QTMAN: variants seen among roughly 807,000 people sequenced by gnomAD.
QTMAN encodes queuosine-tRNA mannosyltransferase, also known as tRNA-queuosine alpha-mannosyltransferase.
At chr2:144,110,646 T>A in the QTMAN span, among the ~76,000 whole-genome samples, 246 of 151,104 alleles carry the variant, frequency 1.6e-3, no homozygotes, top group African/African-American at 5.8e-3. Flanking sequence ...AAGGAAGGAC[T>A]ATTCTTCTCC....
chr2:144,268,745 G>T, the QTMAN span, among the ~76,000 whole-genome samples: 2 of 152,126 alleles, frequency 1.3e-5, no homozygotes, highest in Non-Finnish European at 2.9e-5. Flanking sequence ...AAATAACATT[G>T]CTATGTTATA....
chr2:144,015,808 T>C, the QTMAN span, among the ~76,000 whole-genome samples: 2 of 152,220 alleles, frequency 1.3e-5, no homozygotes, highest in Non-Finnish European at 2.9e-5. Context: ...CAGGCTGTGT[T>C]GGTACAGAGA....
At chr2:144,094,797 A>G in the QTMAN span, among the ~76,000 whole-genome samples, 1 of 152,234 alleles carries the variant, frequency 6.6e-6, no homozygotes, top group Non-Finnish European at 1.5e-5. Flanking sequence ...ACAAATGAAC[A>G]GCAAACAGAA....
chr2:144,104,857 C>G, the QTMAN span, among the ~76,000 whole-genome samples: 2 of 152,212 alleles, frequency 1.3e-5, no homozygotes, highest in African/African-American at 2.4e-5. Flanking sequence ...AGGCACCCCC[C>G]AGTAGGGGCA....
chr2:143,974,457 A>G, the QTMAN span, among the ~76,000 whole-genome samples: 9 of 152,212 alleles, frequency 5.9e-5, 1 homozygote. Flanking sequence ...TGATAAGTAA[A>G]TGTATTCTGA....
chr2:144,133,137 ATATATATATATATAATAT>A, the QTMAN span, among the ~76,000 whole-genome samples: 1 of 44,564 alleles, frequency 2.2e-5, no homozygotes, highest in East Asian at 5.5e-4. Flanking sequence ...ATATATATAT[ATATATATATATATAATAT>A]AATATAATAT....
At chr2:144,092,856 AAAT>A in the QTMAN span, among the ~76,000 whole-genome samples, 44 of 144,938 alleles carry the variant, frequency 3.0e-4, no homozygotes, top group Admixed American at 1.1e-3. Context: ...CAAGTTGAAT[AAAT>A]AAACTTTTGG....
At chr2:144,209,358 G>A in the QTMAN span, among the ~76,000 whole-genome samples, 8 of 152,184 alleles carry the variant, frequency 5.3e-5, no homozygotes, top group African/African-American at 1.9e-4. Flanking sequence ...TTTAAAAGAA[G>A]GCATATCAAC....
the QTMAN span, among the ~76,000 whole-genome samples, chr2:144,296,120 G>C: frequency 6.6e-6 from 1 of 152,168 alleles, no homozygotes; most frequent in South Asian, 2.1e-4. Context: ...AGTAATGAGA[G>C]ACTCAGGACA....
the QTMAN span, among the ~76,000 whole-genome samples, chr2:144,220,224 A>G: frequency 2.0e-5 from 3 of 152,208 alleles, no homozygotes; most frequent in Admixed American, 6.5e-5. Context: ...GCTACCCACT[A>G]TTATAAGAAA....
the QTMAN span, among the ~76,000 whole-genome samples, chr2:143,959,992 A>G: frequency 1.3e-5 from 2 of 152,102 alleles, no homozygotes; most frequent in African/African-American, 4.8e-5. Context: ...AAAAGAAAAC[A>G]TCAGAGTGCG....
the QTMAN span, among the ~76,000 whole-genome samples, chr2:144,296,251 GTCTC>G: frequency 6.6e-6 from 1 of 152,238 alleles, no homozygotes; most frequent in African/African-American, 2.4e-5. Context: ...TGAGTAAACT[GTCTC>G]TCTTACAAAA....
At chr2:144,277,518 T>A in the QTMAN span, among the ~76,000 whole-genome samples, 2 of 152,166 alleles carry the variant, frequency 1.3e-5, no homozygotes, top group African/African-American at 4.8e-5. Flanking sequence ...CCACATACCC[T>A]AATGCAAAAC....
At chr2:144,188,320 C>T in the QTMAN span, among the ~76,000 whole-genome samples, 6 of 151,884 alleles carry the variant, frequency 4.0e-5, no homozygotes, top group African/African-American at 1.5e-4. Context: ...AAAAGTAGTG[C>T]CTTTGAACGG....
At chr2:144,170,620 G>A in the QTMAN span, among the ~76,000 whole-genome samples, 1 of 152,098 alleles carries the variant, frequency 6.6e-6, no homozygotes, top group African/African-American at 2.4e-5. Flanking sequence ...GACAGGAAGG[G>A]AGATACTATC....
the QTMAN span, among the ~76,000 whole-genome samples, chr2:144,128,526 T>C: frequency 6.6e-6 from 1 of 152,062 alleles, no homozygotes; most frequent in Non-Finnish European, 1.5e-5. Context: ...ATTTTGTCAA[T>C]GTTGACTAAT....
chr2:144,220,929 T>C, the QTMAN span, among the ~76,000 whole-genome samples: 2 of 152,306 alleles, frequency 1.3e-5, no homozygotes, highest in South Asian at 2.1e-4. Flanking sequence ...AAACTTCACT[T>C]GCAAGAATTA....
the QTMAN span, among the ~76,000 whole-genome samples, chr2:144,202,920 T>G: frequency 1.3e-5 from 2 of 152,186 alleles, no homozygotes; most frequent in Admixed American, 1.3e-4. Flanking sequence ...TGGGAAACAG[T>G]GGTTTCACAG....
the QTMAN span, among the ~76,000 whole-genome samples, chr2:144,159,199 A>T: frequency 8.7e-4 from 133 of 152,206 alleles, no homozygotes; most frequent in Non-Finnish European, 1.4e-3. Flanking sequence ...GTTCTATAAA[A>T]TTTTAGTTTC....
Sources: gnomAD v4.1 joint callset for allele counts (sites outside exome capture counted in the v4.1 genomes callset) on GRCh38, gnomAD v4.1.1 for gene constraint, MANE v1.5 for transcripts, NCBI Gene and HGNC (gene_info 2026-07-23, HGNC 2026-07-21) for gene names.